The following MGAT4C variants were observed in gnomAD, a reference collection of about 807,000 sequenced individuals.
The protein encoded by MGAT4C is alpha-1,3-mannosyl-glycoprotein 4-beta-N-acetylglucosaminyltransferase C.
Under a neutral mutation model 40.1 loss-of-function variants are expected in MGAT4C, and 19 were observed. The ratio of observed to expected loss-of-function variants is 0.47; its 90% CI spans 0.33 to 0.70. The LOEUF (loss-of-function observed/expected upper bound fraction) is 0.70, where lower values mean the gene tolerates loss of function less well. Ranked by LOEUF, MGAT4C falls within the 30% of genes least tolerant of loss-of-function variation. The probability of loss-of-function intolerance (pLI) is 0.02; values close to 1 mark genes in which losing one functional copy is unlikely to be tolerated. For missense variants in MGAT4C, 491 were observed against 563.2 expected, an observed-to-expected ratio of 0.87 and a Z score of 1.30; for synonymous variants, 181 against 187.1, an observed-to-expected ratio of 0.97 and a Z score of 0.27.
rs528887646 is a variant in MGAT4C at position 86,445,371 on chromosome 12, A to G, written c.-228-10106T>C. ...ATATTATTTCTCATCAAAAATATTC[A>G]TTCACCATATTTAGCAAAATTTATT... On this transcript the variant is annotated intron_variant, in intron 2 of 7. Coordinates refer to the MGAT4C transcript ENST00000548651. 1.7e-4 allele frequency among the ~76,000 whole-genome samples: 26 copies of G among 152,338 alleles called. No homozygotes were observed. In the South Asian group the frequency reaches 5.4e-3, roughly 32 times the overall value.
intron 1 of MGAT4C, among the ~76,000 whole-genome samples, chr12:86,830,774 G>A (rs1188494902): frequency 6.7e-6 from 1 of 149,014 alleles, no homozygotes; most frequent in Non-Finnish European, 1.5e-5. Flanking sequence ...AGGTAGACGT[G>A]GATATCTACA....
At chr12:86,010,056 T>C (rs1888300053) in intron 2 of MGAT4C, among the ~76,000 whole-genome samples, 1 of 152,134 alleles carries the variant, frequency 6.6e-6, no homozygotes, top group African/African-American at 2.4e-5. Flanking sequence ...TAAACAGACA[T>C]AGGGAATATG....
chr12:86,834,197 T>C (rs1292244137), intron 1 of MGAT4C, among the ~76,000 whole-genome samples: 8 of 146,248 alleles, frequency 5.5e-5, no homozygotes, highest in Non-Finnish European at 9.0e-5. Flanking sequence ...GATATAGATA[T>C]AGATATAGAT....
chr12:85,970,189 C>A lies in MGAT4C; in HGVS notation c.*9100G>T. The A allele has an allele frequency of 6.6e-6, 1 of 151,290 alleles. No individual in the cohort carries two copies. The highest frequency in any genetic ancestry group is 6.6e-5 in the Admixed American group (1 of 15,156). The allele number at this position is 151,290 out of a possible 1,614,324, so 9.4% of individuals were successfully genotyped here. A position where few individuals can be genotyped will look rare whatever the true frequency, so the allele number is the denominator to read the frequency against. On this transcript the variant is annotated 3_prime_UTR_variant, in exon 5 of 5. Transcript: ENST00000611864. ...AAGATTGTTAAATTGAACTGAATATCTTTGCTAAGTCACAGGCATTGATTA... is the reference window on the plus strand; with the variant it reads ...AAGATTGTTAAATTGAACTGAATATATTTGCTAAGTCACAGGCATTGATTA...
intron 4 of MGAT4C, among the ~76,000 whole-genome samples, chr12:86,322,414 T>C (rs533022603): frequency 3.0e-4 from 46 of 152,212 alleles, no homozygotes; most frequent in African/African-American, 1.1e-3. Context: ...TTCTAAACCA[T>C]TGGTTTAGCT....
intron 1 of MGAT4C, among the ~76,000 whole-genome samples, chr12:86,212,904 A>C (rs1258776879): frequency 6.8e-6 from 1 of 146,032 alleles, no homozygotes; most frequent in Non-Finnish European, 1.5e-5. Flanking sequence ...AAAAAAAAAA[A>C]AAAAAAAAAA....
At chr12:86,411,173 A>T (rs78436062) in intron 3 of MGAT4C, among the ~76,000 whole-genome samples, 1 of 152,186 alleles carries the variant, frequency 6.6e-6, no homozygotes, top group African/African-American at 2.4e-5. Flanking sequence ...AGGTAGTGGG[A>T]GTGAAGTTTT....
Position 86,505,638 on chromosome 12 carries a change from A to G in MGAT4C, c.-228-70373T>C, listed in dbSNP as rs113163243. On this transcript the variant is annotated intron_variant, in intron 2 of 7. Coordinates refer to the MGAT4C transcript ENST00000548651. The stretch of plus-strand genomic sequence containing the variant: ...GCATACCTTGTAAGTTTTGTAGCTA[A>G]GGAAGTTATTTAACACATTTAATAA... Among the ~76,000 whole-genome samples the G allele has an allele frequency of 5.9e-3, 898 of 152,332 alleles. 4 individuals are homozygous for G. Among genetic ancestry groups the G allele is most frequent in the Non-Finnish European group, 8.5e-3 (581 of 68,024 alleles).
chr12:86,266,527 T>C (rs1410205935), intron 4 of MGAT4C, among the ~76,000 whole-genome samples: 1 of 152,160 alleles, frequency 6.6e-6, no homozygotes, highest in African/African-American at 2.4e-5. Context: ...TATGCTGTTG[T>C]ATTTGGTTTG....
chr12:86,424,712 C>A (rs1263513563), intron 3 of MGAT4C, among the ~76,000 whole-genome samples: 1 of 152,046 alleles, frequency 6.6e-6, no homozygotes, highest in Admixed American at 6.6e-5. Flanking sequence ...TTGATTAAAT[C>A]AATTAATTCT....
At chr12:86,726,853 A>G (rs1364535433) in intron 2 of MGAT4C, among the ~76,000 whole-genome samples, 2 of 152,174 alleles carry the variant, frequency 1.3e-5, no homozygotes, top group Non-Finnish European at 2.9e-5. Context: ...ATTTTTAGAT[A>G]TTATAGCAAA....
Position 86,409,075 on chromosome 12 carries a change from G to T in MGAT4C, c.-120+26082C>A, listed in dbSNP as rs187943375. Among the ~76,000 whole-genome samples, 4 of 152,202 alleles carry T rather than the reference G, an allele frequency of 2.6e-5. No homozygotes were observed. The East Asian group carries it at 7.7e-4, about 29-fold the overall frequency. On this transcript the variant is annotated intron_variant, in intron 3 of 7. Coordinates refer to the MGAT4C transcript ENST00000548651. ...TAAGGCAGCAAGAAATTTCGAGAAAGAAAATTAATCTACTTTATTACACTT... is the reference window on the plus strand; with the variant it reads ...TAAGGCAGCAAGAAATTTCGAGAAATAAAATTAATCTACTTTATTACACTT...
At chr12:86,477,567 G>T (rs1485480510) in intron 2 of MGAT4C, among the ~76,000 whole-genome samples, 2 of 151,868 alleles carry the variant, frequency 1.3e-5, no homozygotes, top group African/African-American at 4.8e-5. Context: ...GAAAAACGCA[G>T]ATAAAAAAAT....
rs142438645 is a variant in MGAT4C, at chr12:86,076,988, G to T, written c.-56-27265C>A. Among the ~76,000 whole-genome samples the T allele has an allele frequency of 3.8e-4, 58 of 152,334 alleles. 1 individual carries two copies. In the East Asian group the frequency reaches 0.01, roughly 26 times the overall value. On this transcript the variant is annotated intron_variant, in intron 1 of 4. Coordinates refer to ENST00000611864, the MANE Select transcript of MGAT4C (RefSeq NM_001351288.2). ...AGATGTAGGCTGGGAGGCTAGGCCAGTCTCTCTTTTCACTTTTTTCTGCCT... is the reference window on the plus strand; with the variant it reads ...AGATGTAGGCTGGGAGGCTAGGCCATTCTCTCTTTTCACTTTTTTCTGCCT...
intron 1 of MGAT4C, among the ~76,000 whole-genome samples, chr12:86,218,962 C>T (rs748640342): frequency 3.3e-5 from 5 of 152,044 alleles, no homozygotes; most frequent in Non-Finnish European, 5.9e-5. Flanking sequence ...AAATGGATCA[C>T]GAAGTCAAGA....
At chr12:86,644,952 C>T (rs1369978561) in intron 2 of MGAT4C, among the ~76,000 whole-genome samples, 4 of 151,556 alleles carry the variant, frequency 2.6e-5, no homozygotes, top group Non-Finnish European at 5.9e-5. Context: ...GGTTACGTAA[C>T]CACTGAGCAG....
At chr12:86,466,872 T>A (rs1272959812) in intron 2 of MGAT4C, among the ~76,000 whole-genome samples, 1 of 152,226 alleles carries the variant, frequency 6.6e-6, no homozygotes, top group Non-Finnish European at 1.5e-5. Context: ...TATTTCTACA[T>A]GATGCTTAAT....
Position 86,028,150 on chromosome 12 carries a change from C to T in MGAT4C, c.-7+21524G>A, listed in dbSNP as rs756067228. 9.9e-4 allele frequency: 1,274 copies of T among 1,288,436 alleles called. 1 individual carries two copies. The highest frequency in any genetic ancestry group is 1.3e-3 in the Admixed American group (57 of 43,396). The allele number at this position is 1,288,436 out of a possible 1,614,324, so 79.8% of individuals were successfully genotyped here. A position where few individuals can be genotyped will look rare whatever the true frequency, so the allele number is the denominator to read the frequency against. On this transcript the variant is annotated intron_variant, in intron 2 of 4. Coordinates refer to ENST00000611864, the MANE Select transcript of MGAT4C (RefSeq NM_001351288.2). Reference sequence around the variant, plus strand: ...TGCCACACTCCTCTGCACAGTCTTTCTTACAACAAATCTGACCATGTCCTT... The same window carrying T: ...TGCCACACTCCTCTGCACAGTCTTTTTTACAACAAATCTGACCATGTCCTT...
At chr12:86,777,907 CTT>C (rs1206178446) in intron 1 of MGAT4C, among the ~76,000 whole-genome samples, 1 of 152,090 alleles carries the variant, frequency 6.6e-6, no homozygotes, top group Non-Finnish European at 1.5e-5. Flanking sequence ...GAACTCAAAA[CTT>C]TGAATTTTGA....
Sources: allele counts gnomAD v4.1 joint callset (sites outside exome capture counted in the v4.1 genomes callset), GRCh38; gene constraint gnomAD v4.1.1; transcripts MANE v1.5; gene names NCBI Gene and HGNC (gene_info 2026-07-23, HGNC 2026-07-21).